The following CDCA7L variants were observed in gnomAD, a reference collection of about 807,000 sequenced individuals.
The protein encoded by CDCA7L is cell division cycle-associated 7-like protein.
Under a neutral mutation model 57.4 loss-of-function variants are expected in CDCA7L, and 44 were observed. That is an observed-to-expected ratio of 0.77 (90% CI 0.60 to 0.98). CDCA7L has a LOEUF of 0.98. Ranked by LOEUF, CDCA7L falls within the 50% of genes least tolerant of loss-of-function variation. The pLI is 0.00. For synonymous variants in CDCA7L, 236 were observed against 202.8 expected (o/e 1.16, Z -1.39); for missense variants, 644 against 580.6 (o/e 1.11, Z -1.12).
At chr7:21,902,551 G>A (rs549293272) in intron 9 of CDCA7L, 199 bp from the exon 10 acceptor site, 38 of 541,308 alleles carry the variant, frequency 7.0e-5, no homozygotes, top group Admixed American at 4.5e-4. Flanking sequence ...CCTCACTCCC[G>A]CATTCCAGAA....
rs140187169 is a variant in CDCA7L, at chr7:21,916,784, A to C, written c.135T>G (p.Asp45Glu). 4.0e-5 allele frequency: 65 copies of C among 1,614,066 alleles called. No individual in the cohort carries two copies. In the African/African-American group the frequency reaches 7.5e-4, roughly 19 times the overall value. Residue 45 changes from aspartate (D) to glutamate (E), a missense_variant, in exon 2 of 10, where the codon GAT becomes GAG. Transcript: ENST00000406877. ...TCCCTGACTCTAGTGAGTCAAAACT[A>C]TCGCAGCTCTCCTCTGACGAGAGGG... ...METLSSEESC[D>E]SFDSLESGKQ...
chr7:21,937,479 C>CA (rs901101080), intron 1 of CDCA7L, among the ~76,000 whole-genome samples: 44 of 150,604 alleles, frequency 2.9e-4, no homozygotes, highest in African/African-American at 8.5e-4. Context: ...TACTAAAATA[C>CA]AAAAAAAAAT....
At position 21,936,951 on chromosome 7, in the gene CDCA7L, T is replaced by TA. The variant is rs1348118243; in HGVS notation, c.24+8829dup. ...ACAAAAAGTAGTTAGAGCTAACAAT[T>TA]AGACATTGCAGGACACAAAATCAAC... On this transcript the variant is annotated intron_variant, in intron 1 of 9. Transcript: ENST00000406877. Among the ~76,000 whole-genome samples, 6 of 152,330 alleles carry TA rather than the reference T, an allele frequency of 3.9e-5. No individual in the cohort carries two copies. In the East Asian group the frequency reaches 1.2e-3, roughly 29 times the overall value.
intron 1 of CDCA7L, among the ~76,000 whole-genome samples, chr7:21,920,986 G>C (rs989538560): frequency 1.4e-4 from 22 of 152,218 alleles, no homozygotes; most frequent in African/African-American, 4.8e-4. Flanking sequence ...TAACATAAAT[G>C]GTTTAAAGGA....
chr7:21,937,914 T>C (rs1474908578), intron 1 of CDCA7L, among the ~76,000 whole-genome samples: 1 of 152,194 alleles, frequency 6.6e-6, no homozygotes, highest in African/African-American at 2.4e-5. Flanking sequence ...TTAAGCCATC[T>C]ATAAAAACTA....
chr7:21,933,627 G>A (rs1786080254), intron 1 of CDCA7L, among the ~76,000 whole-genome samples: 1 of 152,122 alleles, frequency 6.6e-6, no homozygotes, highest in Non-Finnish European at 1.5e-5. Context: ...CATGGGAAGA[G>A]GAACATCACA....
intron 4 of CDCA7L, among the ~76,000 whole-genome samples, chr7:21,907,076 T>G (rs754167640): frequency 1.3e-5 from 2 of 152,266 alleles, no homozygotes; most frequent in Non-Finnish European, 2.9e-5. Context: ...AAAAGTCTGA[T>G]TCTTTAAATA....
chr7:21,938,764 G>A (rs1340471574), intron 1 of CDCA7L, among the ~76,000 whole-genome samples: 1 of 152,150 alleles, frequency 6.6e-6, no homozygotes, highest in Non-Finnish European at 1.5e-5. Context: ...CAGCACTTTG[G>A]GAGGCCAAGA....
intron 1 of CDCA7L, among the ~76,000 whole-genome samples, chr7:21,921,673 A>G (rs1171376193): frequency 6.6e-6 from 1 of 152,004 alleles, no homozygotes; most frequent in Non-Finnish European, 1.5e-5. Flanking sequence ...AGAAAACTAC[A>G]ACAAGTAACT....
At chr7:21,902,483 C>T (rs1784946868) in intron 9 of CDCA7L, 131 bp from the exon 10 acceptor site, 5 of 850,632 alleles carry the variant, frequency 5.9e-6, no homozygotes, top group South Asian at 1.4e-5. Context: ...GAAATCCTGA[C>T]AATTTATGCA....
At chr7:21,933,165 G>C (rs1786068078) in intron 1 of CDCA7L, among the ~76,000 whole-genome samples, 1 of 152,158 alleles carries the variant, frequency 6.6e-6, no homozygotes, top group African/African-American at 2.4e-5. Context: ...ATGCTGGAGG[G>C]GATGTGGAGA....
chr7:21,937,732 G>C (rs1786217256), intron 1 of CDCA7L, among the ~76,000 whole-genome samples: 1 of 151,846 alleles, frequency 6.6e-6, no homozygotes, highest in South Asian at 2.1e-4. Context: ...AAAACAGTGT[G>C]GTCTTGGCAT....
intron 1 of CDCA7L, among the ~76,000 whole-genome samples, chr7:21,938,960 G>C (rs1038788433): frequency 6.6e-6 from 1 of 152,152 alleles, no homozygotes; most frequent in African/African-American, 2.4e-5. Flanking sequence ...AGTGAGCCAC[G>C]ATAGCACCAC....
At chr7:21,905,945 G>A (rs12540021) in intron 6 of CDCA7L, among the ~76,000 whole-genome samples, 33,781 of 152,134 alleles carry the variant, frequency 0.22, 4,323 homozygotes, top group Non-Finnish European at 0.28. Context: ...AACTGAAAGC[G>A]CTTGAAACGC....
Position 21,901,821 on chromosome 7 carries a change from A to AATG in CDCA7L, c.*500_*501insCAT, listed in dbSNP as rs1784884100. On this transcript the variant is annotated 3_prime_UTR_variant, in exon 10 of 10. Coordinates refer to ENST00000406877, the MANE Select transcript of CDCA7L (RefSeq NM_018719.5). The stretch of plus-strand genomic sequence containing the variant: ...TGTTCAGTCAAGTTTTAATAAAAAT[A>AATG]AAACTGTTCTACAGTTAATTGCACT... 2 of 165,734 alleles carry AATG rather than the reference A, an allele frequency of 1.2e-5. No homozygotes were observed. Among genetic ancestry groups the AATG allele is most frequent in the Admixed American group, 1.1e-4 (2 of 17,550 alleles). 10.3% of individuals were successfully genotyped at this position (165,734 alleles called of 1,614,324 possible). A position where few individuals can be genotyped will look rare whatever the true frequency, so the allele number is the denominator to read the frequency against.
At chr7:21,904,907 G>T (rs1785089453) in intron 7 of CDCA7L, among the ~76,000 whole-genome samples, 1 of 152,192 alleles carries the variant, frequency 6.6e-6, no homozygotes, top group Non-Finnish European at 1.5e-5. Flanking sequence ...CCCCTGAAAG[G>T]TGACAGGTGA....
chr7:21,902,805 G>GA (rs147800369), intron 9 of CDCA7L, 173 bp downstream of exon 9: 35 of 612,522 alleles, frequency 5.7e-5, no homozygotes, highest in Non-Finnish European at 9.2e-5. Context: ...CCCTAATAGG[G>GA]AAAATATCAG....
intron 1 of CDCA7L, among the ~76,000 whole-genome samples, chr7:21,939,985 G>C (rs1786290162): frequency 8.1e-6 from 1 of 123,186 alleles, no homozygotes; most frequent in Admixed American, 8.2e-5. Context: ...AAAAAAAAAA[G>C]GCTTCCGTCT....
intron 1 of CDCA7L, among the ~76,000 whole-genome samples, chr7:21,929,020 T>C (rs912365615): frequency 6.6e-6 from 1 of 151,822 alleles, no homozygotes; most frequent in South Asian, 2.1e-4. Context: ...TCAGCAAGAT[T>C]GAAATGAAGG....
Sources: allele counts gnomAD v4.1 joint callset (sites outside exome capture counted in the v4.1 genomes callset), GRCh38; gene constraint gnomAD v4.1.1; transcripts MANE v1.5; gene names NCBI Gene and HGNC (gene_info 2026-07-23, HGNC 2026-07-21).